Variants in TRPC1 observed in about 807,000 individuals in gnomAD.
TRPC1 encodes the protein transient receptor potential cation channel subfamily C member 1.
TRPC1 carries 42 observed loss-of-function variants against 88.2 expected under a neutral mutation model. The ratio of observed to expected loss-of-function variants is 0.48; its 90% CI spans 0.37 to 0.62. The LOEUF (loss-of-function observed/expected upper bound fraction) is 0.62. TRPC1 is among the 20% of genes least tolerant of loss of function. The pLI, the probability that TRPC1 is intolerant of heterozygous loss-of-function variation, is 0.00. For synonymous variants in TRPC1, 288 were observed against 331.8 expected, an observed-to-expected ratio of 0.87 and a Z score of 1.43; for missense variants, 699 against 957.3, an observed-to-expected ratio of 0.73 and a Z score of 3.56.
rs937138836 is a variant in TRPC1 at position 142,776,340 on chromosome 3, T to A, written c.633-1292T>A. The stretch of plus-strand genomic sequence containing the variant: ...CTTACCTTATGTTTTATAATAAGCA[T>A]GTATTTAAATTTATATTAAAAGAAA... On this transcript the variant is annotated intron_variant, in intron 4 of 12. Coordinates refer to ENST00000476941, the MANE Select transcript of TRPC1 (RefSeq NM_001251845.2). The surrounding 1 kb of genome is among the most constrained non-coding windows in gnomAD (Gnocchi z 4.1). Among the ~76,000 whole-genome samples the A allele has an allele frequency of 2.6e-5, 4 of 152,216 alleles. No individual in the cohort carries two copies. The highest frequency in any genetic ancestry group is 9.6e-5 in the African/African-American group (4 of 41,562).
intron 1 of TRPC1, among the ~76,000 whole-genome samples, chr3:142,727,379 A>G (rs1933725072): frequency 6.6e-6 from 1 of 152,172 alleles, no homozygotes; most frequent in African/African-American, 2.4e-5. Flanking sequence ...TGGAGATGAG[A>G]TGGATATGTG....
At chr3:142,799,527 C>T (rs190289707) in intron 9 of TRPC1, among the ~76,000 whole-genome samples, 4 of 152,124 alleles carry the variant, frequency 2.6e-5, no homozygotes, top group Admixed American at 2.6e-4. Context: ...CAAGTCAGGC[C>T]GGGCATGGTG....
chr3:142,763,622 C>G (rs867394611), intron 4 of TRPC1, among the ~76,000 whole-genome samples: 1 of 151,856 alleles, frequency 6.6e-6, no homozygotes, highest in East Asian at 1.9e-4. Context: ...ATTTCTTTAT[C>G]CATTAAGCCA....
chr3:142,777,577 A>G lies in TRPC1; in HGVS notation c.633-55A>G, dbSNP rs1444266424. On this transcript the variant is annotated intron_variant, in intron 4 of 12. Transcript: ENST00000476941. ...ATTTATGAAAATTATAGATTAAAAT[A>G]CGAATTATATGTGTATAAGTTTATT... The G allele has an allele frequency of 2.5e-6, 3 of 1,208,228 alleles. No homozygotes were observed. The East Asian group carries it at 8.4e-5, about 34-fold the overall frequency. The allele number at this position is 1,208,228 out of a possible 1,614,324, so 74.8% of individuals were successfully genotyped here.
chr3:142,781,608 A>G (rs1044725365), intron 6 of TRPC1, among the ~76,000 whole-genome samples: 1 of 152,122 alleles, frequency 6.6e-6, no homozygotes, highest in African/African-American at 2.4e-5. Context: ...ATCCCTTTCT[A>G]TTAAGAGATA....
intron 1 of TRPC1, among the ~76,000 whole-genome samples, chr3:142,733,220 A>G (rs1480196122): frequency 6.6e-6 from 1 of 152,126 alleles, no homozygotes; most frequent in Non-Finnish European, 1.5e-5. Context: ...AATAATCTTT[A>G]AAACCTTAGG....
chr3:142,776,182 T>G lies in TRPC1; in HGVS notation c.633-1450T>G, dbSNP rs1420286749. Among the ~76,000 whole-genome samples, 1 of 152,188 alleles carries G rather than the reference T, an allele frequency of 6.6e-6. No individual in the cohort carries two copies. The highest frequency in any genetic ancestry group is 2.4e-5 in the African/African-American group (1 of 41,454). ...AAGCAAGCTGTTCCTTTATTATGTC[T>G]GATTATGTTCGTGTGTGAGTAGAAA... On this transcript the variant is annotated intron_variant, in intron 4 of 12. Coordinates refer to ENST00000476941, the MANE Select transcript of TRPC1 (RefSeq NM_001251845.2). The surrounding 1 kb of genome is among the most constrained non-coding windows in gnomAD (Gnocchi z 4.1).
chr3:142,745,018 T>A (rs1279874949), intron 3 of TRPC1, among the ~76,000 whole-genome samples: 3 of 152,216 alleles, frequency 2.0e-5, no homozygotes, highest in Non-Finnish European at 2.9e-5. Flanking sequence ...TTGCATACTT[T>A]GTTATATAGT....
chr3:142,788,102 CT>C (rs1936186538), intron 7 of TRPC1, among the ~76,000 whole-genome samples: 1 of 152,242 alleles, frequency 6.6e-6, no homozygotes, highest in East Asian at 1.9e-4. Flanking sequence ...GTAATTTTGA[CT>C]TTATATTAAG....
At chr3:142,745,338 C>T (rs1193360119) in intron 3 of TRPC1, among the ~76,000 whole-genome samples, 2 of 152,128 alleles carry the variant, frequency 1.3e-5, no homozygotes, top group Non-Finnish European at 2.9e-5. Flanking sequence ...TTATTCATCA[C>T]CATTATCACT....
Position 142,804,018 on chromosome 3 carries a change from CCTT to C in TRPC1, c.1800_1802del (p.Leu601del). ...TTTGCTTTGTTCTGGTATATTTTCT[CCTT>C]AGCGCATGTGGCAATCTTTGTCACA... On this transcript the variant is annotated inframe_deletion, in exon 11 of 13. Transcript: ENST00000476941. 1 of 1,613,696 alleles carries C rather than the reference CCTT, an allele frequency of 6.2e-7. No homozygotes were observed. The highest frequency in any genetic ancestry group is 8.5e-7 in the Non-Finnish European group (1 of 1,179,802).
At chr3:142,779,257 T>A (rs1042185532) in intron 5 of TRPC1, among the ~76,000 whole-genome samples, 3 of 152,158 alleles carry the variant, frequency 2.0e-5, no homozygotes, top group African/African-American at 7.2e-5. Flanking sequence ...AGCATCTAAT[T>A]AGGAATAGAG....
chr3:142,786,198 A>G (rs952380254), intron 7 of TRPC1, among the ~76,000 whole-genome samples: 16 of 152,150 alleles, frequency 1.1e-4, no homozygotes, highest in African/African-American at 3.9e-4. Context: ...ACTATTTGCT[A>G]TAGAGTAAAA....
intron 1 of TRPC1, among the ~76,000 whole-genome samples, chr3:142,728,058 A>G (rs1302295918): frequency 6.6e-6 from 1 of 151,948 alleles, no homozygotes; most frequent in Non-Finnish European, 1.5e-5. Flanking sequence ...AAACTGTTTG[A>G]TTTGCTGATG....
intron 3 of TRPC1, among the ~76,000 whole-genome samples, chr3:142,746,841 G>C (rs1219066692): frequency 6.6e-6 from 1 of 151,536 alleles, no homozygotes; most frequent in Non-Finnish European, 1.5e-5. Context: ...CTGGGCGAAA[G>C]AGCGAGACTC....
chr3:142,759,439 T>C (rs1215556639), intron 4 of TRPC1, among the ~76,000 whole-genome samples: 1 of 152,234 alleles, frequency 6.6e-6, no homozygotes, highest in East Asian at 1.9e-4. Flanking sequence ...ATGATGAGCA[T>C]TTTTTCATGT....
intron 1 of TRPC1, among the ~76,000 whole-genome samples, chr3:142,733,368 C>T (rs1462550325): frequency 3.9e-5 from 6 of 151,966 alleles, no homozygotes; most frequent in African/African-American, 9.7e-5. Context: ...AAAAATTAGC[C>T]GGGCGTGGTG....
At chr3:142,796,140 T>TA (rs1426779622) in intron 9 of TRPC1, among the ~76,000 whole-genome samples, 2 of 152,024 alleles carry the variant, frequency 1.3e-5, no homozygotes, top group Admixed American at 1.3e-4. Context: ...ATCTGAGGCA[T>TA]AGAGACATTA....
At chr3:142,789,471 T>C (rs1188650809) in intron 7 of TRPC1, among the ~76,000 whole-genome samples, 1 of 152,232 alleles carries the variant, frequency 6.6e-6, no homozygotes, top group African/African-American at 2.4e-5. Context: ...AAACACTTTT[T>C]TTCTGTATAA....
Sources: allele counts gnomAD v4.1 joint callset (sites outside exome capture counted in the v4.1 genomes callset), GRCh38; gene constraint gnomAD v4.1.1; non-coding constraint Gnocchi (gnomAD v3.1); transcripts MANE v1.5; gene names NCBI Gene and HGNC (gene_info 2026-07-23, HGNC 2026-07-21).